The following ATP6V1G1 variants were observed in gnomAD, a reference collection of about 807,000 sequenced individuals.
The protein encoded by ATP6V1G1 is V-type proton ATPase subunit G 1.
A neutral mutation model predicts 14.2 loss-of-function variants in ATP6V1G1; 14 were observed. That is an observed-to-expected ratio of 0.99 (90% confidence interval 0.65 to 1.55). The LOEUF (loss-of-function observed/expected upper bound fraction) is 1.55. Ranked by LOEUF, ATP6V1G1 falls within the 40% of genes most tolerant of loss-of-function variation. The probability of loss-of-function intolerance (pLI) is 0.00; values close to 1 mark genes in which losing one functional copy is unlikely to be tolerated. For synonymous variants in ATP6V1G1, 65 were observed against 53.3 expected (o/e 1.22, Z -0.96); for missense variants, 137 against 146.4 (o/e 0.94, Z 0.33).
At chr9:114,592,232 T>C (rs1845189262) in intron 1 of ATP6V1G1, among the ~76,000 whole-genome samples, 1 of 152,222 alleles carries the variant, frequency 6.6e-6, no homozygotes, top group Non-Finnish European at 1.5e-5. Context: ...AGATGGTTAA[T>C]GTTACTCATT....
At chr9:114,593,530 C>CT (rs1845204621) in intron 2 of ATP6V1G1, among the ~76,000 whole-genome samples, 1 of 152,140 alleles carries the variant, frequency 6.6e-6, no homozygotes, top group Non-Finnish European at 1.5e-5. Flanking sequence ...GAGTCACACT[C>CT]TATCATTCAG....
rs1264210169 is a variant in ATP6V1G1 at position 114,598,850 on chromosome 9, C to T, written c.*1107C>T. On this transcript the variant is annotated 3_prime_UTR_variant, in exon 3 of 3. Coordinates refer to ENST00000374050, the MANE Select transcript of ATP6V1G1 (RefSeq NM_004888.4). Reference sequence around the variant, plus strand: ...CCTTGCTTGTTCTGATACAATACAACTAGATGACCTTAAAAACCCTCATAT... The same window carrying T: ...CCTTGCTTGTTCTGATACAATACAATTAGATGACCTTAAAAACCCTCATAT... 6.6e-6 allele frequency among the ~76,000 whole-genome samples: 1 copy of T among 152,120 alleles called. No individual in the cohort carries two copies. Among genetic ancestry groups the T allele is most frequent in the Admixed American group, 6.6e-5 (1 of 15,262 alleles).
rs1050397376 is a variant in ATP6V1G1, at chr9:114,594,090, G to A, written c.183+1438G>A. On this transcript the variant is annotated intron_variant, in intron 2 of 2. Transcript: ENST00000374050. ...ATTTTTTTTTTTTTTTTTCTGAGAC[G>A]GGGAGTTTTGCTCTTGTTGCCCAGG... 9.4e-5 allele frequency among the ~76,000 whole-genome samples: 14 copies of A among 149,004 alleles called. 1 individual carries two copies. Among genetic ancestry groups the A allele is most frequent in the Admixed American group, 1.3e-4 (2 of 15,022 alleles).
At chr9:114,591,554 G>C (rs1845182218) in intron 1 of ATP6V1G1, among the ~76,000 whole-genome samples, 2 of 151,888 alleles carry the variant, frequency 1.3e-5, no homozygotes, top group Non-Finnish European at 2.9e-5. Flanking sequence ...ATAGTTCTTG[G>C]AGTTTTGAGA....
In ATP6V1G1 at chr9:114,587,881, G is replaced by T. The variant is rs1009156887; in HGVS notation, c.43G>T (p.Glu15Ter). ...SQGIQQLLQA[E>*]KRAAEKVSEA... Reference sequence around the variant, plus strand: ...GGGGATTCAGCAGCTGCTGCAGGCCGAGAAGCGGGCAGCCGAGAAGGTGTC... The same window carrying T: ...GGGGATTCAGCAGCTGCTGCAGGCCTAGAAGCGGGCAGCCGAGAAGGTGTC... Residue 15 changes from glutamate (E) to a stop codon, truncating the protein, a stop_gained, in exon 1 of 3, where the codon GAG (glutamate) becomes TAG (stop). Coordinates refer to ENST00000374050, the MANE Select transcript of ATP6V1G1 (RefSeq NM_004888.4). LOFTEE classifies it high-confidence loss of function. The T allele has an allele frequency of 3.8e-6, 6 of 1,592,592 alleles. No individual in the cohort carries two copies. Among genetic ancestry groups the T allele is most frequent in the Non-Finnish European group, 5.1e-6 (6 of 1,170,258 alleles).
At position 114,596,986 on chromosome 9, in the gene ATP6V1G1, C is replaced by CTTTTTT. The variant is rs71367785; in HGVS notation, c.184-567_184-562dup. Among the ~76,000 whole-genome samples, 76 of 104,566 alleles carry CTTTTTT rather than the reference C, an allele frequency of 7.3e-4. 1 individual carries two copies. Among genetic ancestry groups the CTTTTTT allele is most frequent in the East Asian group, 1.2e-3 (4 of 3,356 alleles). The allele number at this position is 104,566 out of a possible 152,430, so 68.6% of individuals were successfully genotyped here. On this transcript the variant is annotated intron_variant, in intron 2 of 2. Transcript: ENST00000374050. ...TTTGGTTAAGGCTATATAGCAGATT[C>CTTTTTT]TTTTTTTTTTTTTTTTTTTTTTGAG...
intron 1 of ATP6V1G1, among the ~76,000 whole-genome samples, chr9:114,592,075 G>A (rs1845187254): frequency 6.6e-6 from 1 of 152,160 alleles, no homozygotes; most frequent in African/African-American, 2.4e-5. Context: ...TTAGTTTCCA[G>A]TGTTACATTA....
rs999608948 is a variant in ATP6V1G1 at position 114,598,015 on chromosome 9, A to G, written c.*272A>G. On this transcript the variant is annotated 3_prime_UTR_variant, in exon 3 of 3. Coordinates refer to ENST00000374050, the MANE Select transcript of ATP6V1G1 (RefSeq NM_004888.4). ...TCCTATGTCTTTTGGCTCAAGCAACATGTATATCAGTGTTGACTTTTTCTT... is the reference window on the plus strand; with the variant it reads ...TCCTATGTCTTTTGGCTCAAGCAACGTGTATATCAGTGTTGACTTTTTCTT... The G allele has an allele frequency of 4.7e-6, 1 of 212,964 alleles. No individual in the cohort carries two copies. The highest frequency in any genetic ancestry group is 9.2e-6 in the Non-Finnish European group (1 of 108,922). 13.2% of individuals were successfully genotyped at this position (212,964 alleles called of 1,614,324 possible).
chr9:114,590,665 A>G (rs1444372849), intron 1 of ATP6V1G1, among the ~76,000 whole-genome samples: 1 of 151,992 alleles, frequency 6.6e-6, no homozygotes, highest in African/African-American at 2.4e-5. Context: ...ATTTATAATT[A>G]TGGTTGATTT....
Position 114,597,801 on chromosome 9 carries a change from C to A in ATP6V1G1, c.*58C>A. 7.1e-7 allele frequency: 1 copy of A among 1,404,680 alleles called. No individual in the cohort carries two copies. The highest frequency in any genetic ancestry group is 9.4e-7 in the Non-Finnish European group (1 of 1,065,362). The allele number at this position is 1,404,680 out of a possible 1,614,324, so 87.0% of individuals were successfully genotyped here. On this transcript the variant is annotated 3_prime_UTR_variant, in exon 3 of 3. Transcript: ENST00000374050. Reference sequence around the variant, plus strand: ...TTTAGATGCCCTCACGAATATGAAGCTTAGCACAGCTCTAGTTACATTCTT... The same window carrying A: ...TTTAGATGCCCTCACGAATATGAAGATTAGCACAGCTCTAGTTACATTCTT...
In ATP6V1G1 at chr9:114,597,560, C is replaced by T. The variant is rs1384139177; in HGVS notation, c.184-10C>T. The stretch of plus-strand genomic sequence containing the variant: ...GATAATCCCTCCGTGACATCACTCC[C>T]CATCTCCAGGCATTGGGATCCCGTG... On this transcript the variant is annotated splice_polypyrimidine_tract_variant and intron_variant, in intron 2 of 2. Transcript: ENST00000374050. 6.7e-7 allele frequency: 1 copy of T among 1,488,844 alleles called. No individual in the cohort carries two copies. The highest frequency in any genetic ancestry group is 8.9e-7 in the Non-Finnish European group (1 of 1,118,654). The allele number at this position is 1,488,844 out of a possible 1,614,324, so 92.2% of individuals were successfully genotyped here. A position where few individuals can be genotyped will look rare whatever the true frequency, so the allele number is the denominator to read the frequency against.
chr9:114,589,157 T>C (rs969634109), intron 1 of ATP6V1G1, among the ~76,000 whole-genome samples: 3 of 152,236 alleles, frequency 2.0e-5, no homozygotes, highest in Non-Finnish European at 4.4e-5. Context: ...GACTCATGCT[T>C]GTCCCCCGGA....
chr9:114,596,328 C>T (rs1845237651), intron 2 of ATP6V1G1, among the ~76,000 whole-genome samples: 3 of 148,060 alleles, frequency 2.0e-5, no homozygotes, highest in Non-Finnish European at 4.4e-5. Context: ...GCGGAGCTTG[C>T]AGTGAACGGA....
intron 2 of ATP6V1G1, among the ~76,000 whole-genome samples, chr9:114,596,029 T>C (rs1488642697): frequency 6.6e-6 from 1 of 152,076 alleles, no homozygotes; most frequent in Non-Finnish European, 1.5e-5. Flanking sequence ...AAAAGCTGGC[T>C]GTATTGTGAA....
chr9:114,598,160 G>A lies in ATP6V1G1; in HGVS notation c.*417G>A, dbSNP rs1845261468. 6.6e-6 allele frequency: 1 copy of A among 152,534 alleles called. No homozygotes were observed. Among genetic ancestry groups the A allele is most frequent in the African/African-American group, 2.4e-5 (1 of 41,362 alleles). 9.4% of individuals were successfully genotyped at this position (152,534 alleles called of 1,614,324 possible). On this transcript the variant is annotated 3_prime_UTR_variant, in exon 3 of 3. Transcript: ENST00000374050. ...GGTCAGGGGCTTTATCTATGAAAAA[G>A]TAGTAAATAGTTCTTTGTAACCTGT...
At chr9:114,596,707 C>A (rs1256304937) in intron 2 of ATP6V1G1, among the ~76,000 whole-genome samples, 1 of 152,120 alleles carries the variant, frequency 6.6e-6, no homozygotes, top group Non-Finnish European at 1.5e-5. Flanking sequence ...GATCCTCCTG[C>A]TTCAGTCTCT....
At chr9:114,589,774 A>G (rs1845164799) in intron 1 of ATP6V1G1, among the ~76,000 whole-genome samples, 1 of 77,542 alleles carries the variant, frequency 1.3e-5, no homozygotes, top group Non-Finnish European at 2.3e-5. Flanking sequence ...AAGTGCAGGA[A>G]AAAATGCTTG....
chr9:114,592,484 C>T (rs563395005), intron 1 of ATP6V1G1, 68 bp from the exon 2 acceptor site: 3 of 1,400,068 alleles, frequency 2.1e-6, no homozygotes, highest in Non-Finnish European at 2.9e-6. Flanking sequence ...TTATAATATA[C>T]CATCTTGTCT....
intron 1 of ATP6V1G1, among the ~76,000 whole-genome samples, chr9:114,590,620 CAGA>C (rs1845174150): frequency 6.6e-6 from 1 of 151,756 alleles, no homozygotes; most frequent in African/African-American, 2.4e-5. Context: ...GAGAGGTAGT[CAGA>C]AGAACTGCAG....
Sources: allele counts gnomAD v4.1 joint callset (sites outside exome capture counted in the v4.1 genomes callset), GRCh38; gene constraint gnomAD v4.1.1; transcripts MANE v1.5; gene names NCBI Gene and HGNC (gene_info 2026-07-23, HGNC 2026-07-21).